The following BRCA1 variants were observed in gnomAD, a reference collection of about 807,000 sequenced individuals.
The protein encoded by BRCA1 is breast cancer type 1 susceptibility protein.
In BRCA1, 140 loss-of-function variants were observed where a neutral mutation model predicts 173.7. The ratio of observed to expected loss-of-function variants is 0.81; its 90% confidence interval spans 0.70 to 0.93. The LOEUF is 0.93. Ranked by LOEUF, BRCA1 falls within the 40% of genes least tolerant of loss-of-function variation. BRCA1 has a pLI of 0.00. For missense variants in BRCA1, 1,983 were observed against 2,172.5 expected, an observed-to-expected ratio of 0.91 and a Z score of 1.73; for synonymous variants, 662 against 756.0, an observed-to-expected ratio of 0.88 and a Z score of 2.04.
chr17:43,163,185 T>C (rs748009098), intron 1 of BRCA1: 3 of 152,260 alleles, frequency 2.0e-5, no homozygotes, highest in Non-Finnish European at 4.4e-5. Context: ...CTAGGGCCCT[T>C]AGACCTGGGG....
Position 43,094,514 on chromosome 17 carries a change from CT to C in BRCA1, c.1016del (p.Lys339ArgfsTer2), listed in dbSNP as rs80357569. The C allele has an allele frequency of 6.2e-7, 1 of 1,614,010 alleles. No individual in the cohort carries two copies. Among genetic ancestry groups the C allele is most frequent in the Non-Finnish European group, 8.5e-7 (1 of 1,180,024 alleles). ...NDRRTPSTEK[K>X]VDLNADPLCE... ...ACAGGGGATCAGCATTCAGATCTAC[CT>C]TTTTTTCTGTGCTGGGAGTCCGCCT... is the stretch of plus-strand genomic sequence containing the variant. On this transcript the variant is annotated frameshift_variant, in exon 10 of 23. Transcript: ENST00000357654. LOFTEE classifies it high-confidence loss of function.
At chr17:43,087,724 G>A (rs932165211) in intron 11 of BRCA1, among the ~76,000 whole-genome samples, 1 of 151,558 alleles carries the variant, frequency 6.6e-6, no homozygotes, top group African/African-American at 2.4e-5. Flanking sequence ...AGATTATAAT[G>A]CACAGAATTA....
At chr17:43,070,875 C>T (rs937716188) in intron 15 of BRCA1, 53 bp downstream of exon 15, 1 of 1,594,678 alleles carries the variant, frequency 6.3e-7, no homozygotes, top group Admixed American at 1.7e-5. Flanking sequence ...AAAACTCTTT[C>T]CAGAATGTTG....
chr17:43,082,375 G>A (rs2053035731), intron 12 of BRCA1, 29 bp downstream of exon 12: 2 of 1,609,380 alleles, frequency 1.2e-6, no homozygotes, highest in Non-Finnish European at 1.7e-6. Context: ...TTTTGCTTAA[G>A]ATATCAGTGT....
Position 43,092,722 on chromosome 17 carries a change from T to A in BRCA1, c.2809A>T (p.Lys937Ter), listed in dbSNP as rs1555588915. 6.2e-7 allele frequency: 1 copy of A among 1,614,144 alleles called. No individual in the cohort carries two copies. Among genetic ancestry groups the A allele is most frequent in the Non-Finnish European group, 8.5e-7 (1 of 1,180,004 alleles). The stretch of plus-strand genomic sequence containing the variant: ...CTACATTTGGCATTATCAACTGGCT[T>A]ATCTTTCTGACCAACCACAGGAAAG... ...AGFPVVGQKD[K>*]PVDNAKCSIK... The change falls in exon 10 of 23, where the codon AAG becomes TAG. Residue 937 changes from lysine (K) to a stop codon, truncating the protein, a stop_gained. Transcript: ENST00000357654. LOFTEE classifies it high-confidence loss of function.
At chr17:43,120,866 ACCAG>A (rs911441826) in intron 2 of BRCA1, among the ~76,000 whole-genome samples, 7 of 151,912 alleles carry the variant, frequency 4.6e-5, no homozygotes, top group Admixed American at 4.6e-4. Flanking sequence ...GGACTTCAAG[ACCAG>A]CCTGACCAAC....
In BRCA1 at chr17:43,060,507, T is replaced by C. The variant is rs563690868; in HGVS notation, c.5193+2826A>G. ...CCGAACCTTTTATCATTATTATTTCTTGAGACAGGAGTCTTGCTCTGTCGT... is the reference window on the plus strand; with the variant it reads ...CCGAACCTTTTATCATTATTATTTCCTGAGACAGGAGTCTTGCTCTGTCGT... On this transcript the variant is annotated intron_variant, in intron 18 of 22. Transcript: ENST00000357654. Among the ~76,000 whole-genome samples the C allele has an allele frequency of 2.0e-5, 3 of 151,810 alleles. No individual in the cohort carries two copies. In the East Asian group the frequency reaches 5.9e-4, roughly 30 times the overall value.
chr17:43,080,088 T>C (rs2052934530), intron 12 of BRCA1, among the ~76,000 whole-genome samples: 1 of 152,096 alleles, frequency 6.6e-6, no homozygotes, highest in African/African-American at 2.4e-5. Context: ...AGATCCAGAG[T>C]CCAAGTTTCA....
intron 1 of BRCA1, among the ~76,000 whole-genome samples, chr17:43,152,674 GAAA>G (rs2056169817): frequency 6.6e-6 from 1 of 152,122 alleles, no homozygotes; most frequent in Non-Finnish European, 1.5e-5. Flanking sequence ...CTAACACAGT[GAAA>G]CCCCATCTCT....
At chr17:43,085,038 A>G (rs1172951205) in intron 11 of BRCA1, among the ~76,000 whole-genome samples, 2 of 152,224 alleles carry the variant, frequency 1.3e-5, no homozygotes, top group Non-Finnish European at 2.9e-5. Context: ...GGCCAAATAC[A>G]TTAGGGAGAA....
At chr17:43,125,097 C>G in intron 1 of BRCA1, 174 bp downstream of exon 1, 1 of 450,324 alleles carries the variant, frequency 2.2e-6, no homozygotes, top group Non-Finnish European at 4.5e-6. Flanking sequence ...GCGCTTCCCT[C>G]GCGACCTACA....
upstream of BRCA1, among the ~76,000 whole-genome samples, chr17:43,127,350 G>A (rs1020919948): frequency 2.0e-5 from 3 of 152,090 alleles, no homozygotes; most frequent in Admixed American, 2.0e-4. Context: ...TGGGGTTTGG[G>A]GATGCACCAA....
intron 7 of BRCA1, among the ~76,000 whole-genome samples, chr17:43,098,029 T>TA (rs2054209680): frequency 7.4e-6 from 1 of 134,598 alleles, no homozygotes; most frequent in Non-Finnish European, 1.6e-5. Flanking sequence ...GCTCAGCAGC[T>TA]CTTTTTTTTT....
At chr17:43,081,247 C>G (rs1406416523) in intron 12 of BRCA1, among the ~76,000 whole-genome samples, 1 of 152,166 alleles carries the variant, frequency 6.6e-6, no homozygotes, top group Non-Finnish European at 1.5e-5. Context: ...CTCTCATTAT[C>G]TGAGAGATGA....
At chr17:43,143,086 A>T (rs112988728) in intron 1 of BRCA1, among the ~76,000 whole-genome samples, 3 of 149,124 alleles carry the variant, frequency 2.0e-5, no homozygotes, top group Non-Finnish European at 4.4e-5. Context: ...GTGTGTGTGT[A>T]TATTTATTTA....
chr17:43,045,893 A>C lies in BRCA1; in HGVS notation c.5468-91T>G. 4 of 1,497,852 alleles carry C rather than the reference A, an allele frequency of 2.7e-6. No individual in the cohort carries two copies. In the South Asian group the frequency reaches 4.7e-5, roughly 17 times the overall value. The allele number at this position is 1,497,852 out of a possible 1,614,324, so 92.8% of individuals were successfully genotyped here. Reference sequence around the variant, plus strand: ...TCGACTCCAGGGTCCTGGTTGTATGAGTTCTTAGGATTAATGAGGTAGAAG... The same window carrying C: ...TCGACTCCAGGGTCCTGGTTGTATGCGTTCTTAGGATTAATGAGGTAGAAG... On this transcript the variant is annotated intron_variant, in intron 22 of 22. Coordinates refer to ENST00000357654, the MANE Select transcript of BRCA1 (RefSeq NM_007294.4).
chr17:43,059,616 A>AGAT (rs751259743), intron 18 of BRCA1, among the ~76,000 whole-genome samples: 63 of 152,246 alleles, frequency 4.1e-4, no homozygotes, highest in Middle Eastern at 3.4e-3. Flanking sequence ...ATTTAATATT[A>AGAT]CTAACAAGAT....
chr17:43,127,284 C>G (rs530881373), upstream of BRCA1, among the ~76,000 whole-genome samples: 2 of 152,216 alleles, frequency 1.3e-5, no homozygotes, highest in African/African-American at 4.8e-5. Context: ...ACTTGGAAAA[C>G]TTTTATGTCT....
At chr17:43,159,941 G>A (rs1455089513) in intron 1 of BRCA1, 2 of 152,250 alleles carry the variant, frequency 1.3e-5, no homozygotes, top group East Asian at 3.8e-4. Context: ...ACTTGCTAAA[G>A]GCTTTGATGA....
Sources: gnomAD v4.1 joint callset for allele counts (sites outside exome capture counted in the v4.1 genomes callset) on GRCh38, gnomAD v4.1.1 for gene constraint, MANE v1.5 for transcripts, NCBI Gene and HGNC (gene_info 2026-07-23, HGNC 2026-07-21) for gene names.